Variants in MAP4K4 observed in about 807,000 individuals in gnomAD.
MAP4K4 encodes the protein HPK/GCK-like kinase HGK.
Under a neutral mutation model 189.6 loss-of-function variants are expected in MAP4K4, and 38 were observed. The ratio of observed to expected loss-of-function variants is 0.20; its 90% CI spans 0.15 to 0.26. MAP4K4 has a LOEUF of 0.26. Among genes scored for constraint, MAP4K4 ranks in the 10% least tolerant of loss-of-function variants. The pLI is 1.00. For missense variants in MAP4K4, 1,054 were observed against 1,726.9 expected, an observed-to-expected ratio of 0.61 and a Z score of 6.91; for synonymous variants, 610 against 624.3, an observed-to-expected ratio of 0.98 and a Z score of 0.34.
chr2:101,855,709 G>A (rs190279053), intron 12 of MAP4K4, among the ~76,000 whole-genome samples: 1 of 152,270 alleles, frequency 6.6e-6, no homozygotes, highest in Admixed American at 6.5e-5. Flanking sequence ...AATTGCTGTG[G>A]TGCAGTGAGC....
chr2:101,855,164 G>T (rs984701015), intron 12 of MAP4K4, among the ~76,000 whole-genome samples: 1 of 152,172 alleles, frequency 6.6e-6, no homozygotes, highest in African/African-American at 2.4e-5. Context: ...ATTTAGAAAG[G>T]CTGAGTGAGT....
At position 101,698,520 on chromosome 2, in the gene MAP4K4, C is replaced by T. The variant is rs756578949; in HGVS notation, c.105C>T (p.Thr35=). ...TGGTGGAAGTGGTTGGAAATGGCAC[C>T]TATGGACAAGTCTATAAGGTCGGTG... The change falls in exon 2 of 33, where the codon ACC becomes ACT. Residue 35 remains threonine, a synonymous_variant. Coordinates refer to ENST00000324219, the Ensembl canonical transcript of MAP4K4. 1.9e-6 allele frequency: 3 copies of T among 1,613,816 alleles called. No individual in the cohort carries two copies. The East Asian group carries it at 6.7e-5, about 36-fold the overall frequency.
intron 32 of MAP4K4, among the ~76,000 whole-genome samples, chr2:101,890,465 G>T (rs556953232): frequency 6.6e-6 from 1 of 152,234 alleles, no homozygotes; most frequent in African/African-American, 2.4e-5. Flanking sequence ...TTGTTTGTTT[G>T]TTTGTTTTGG....
chr2:101,816,714 T>G (rs973975906), intron 3 of MAP4K4, among the ~76,000 whole-genome samples: 3 of 152,150 alleles, frequency 2.0e-5, no homozygotes, highest in Non-Finnish European at 4.4e-5. Flanking sequence ...GATTGGTACA[T>G]CATAGTAAAC....
chr2:101,718,628 G>T (rs572403257), intron 2 of MAP4K4, among the ~76,000 whole-genome samples: 210 of 144,972 alleles, frequency 1.4e-3, no homozygotes, highest in Admixed American at 2.1e-3. Flanking sequence ...TGGTGGGGTG[G>T]ATGGGTTAAG....
At chr2:101,864,869 G>T in intron 17 of MAP4K4, 61 bp from the exon 18 acceptor site, 1 of 1,054,762 alleles carries the variant, frequency 9.5e-7, no homozygotes, top group Non-Finnish European at 1.4e-6. Flanking sequence ...TTTTGGTAGG[G>T]AAGTATTTTT....
chr2:101,887,712 G>T (rs1296368047), intron 30 of MAP4K4, 66 bp from the exon 31 acceptor site: 12 of 1,293,846 alleles, frequency 9.3e-6, no homozygotes, highest in Non-Finnish European at 1.2e-5. Context: ...GAGTCTTACT[G>T]AGCACTTGCA....
At chr2:101,761,808 C>T (rs980956283) in intron 2 of MAP4K4, among the ~76,000 whole-genome samples, 2 of 152,104 alleles carry the variant, frequency 1.3e-5, no homozygotes, top group African/African-American at 2.4e-5. Flanking sequence ...CCACCTGCCT[C>T]GGTCTCCCAA....
intron 3 of MAP4K4, among the ~76,000 whole-genome samples, chr2:101,818,517 T>C (rs1240454965): frequency 6.6e-6 from 1 of 151,986 alleles, no homozygotes; most frequent in African/African-American, 2.4e-5. Context: ...TCTGCCCATC[T>C]CTCCTCACCA....
intron 7 of MAP4K4, among the ~76,000 whole-genome samples, chr2:101,834,203 T>TCCCTCCCC (rs2096673097): frequency 1.3e-5 from 1 of 77,804 alleles, no homozygotes; most frequent in Non-Finnish European, 2.4e-5. Flanking sequence ...CCTCCCTCCA[T>TCCCTCCCC]CCCTCCATCC....
At chr2:101,714,746 G>C (rs1042248151) in intron 2 of MAP4K4, among the ~76,000 whole-genome samples, 1 of 152,144 alleles carries the variant, frequency 6.6e-6, no homozygotes, top group Non-Finnish European at 1.5e-5. Flanking sequence ...CTAGGAGGAG[G>C]CTTGAAGATT....
intron 2 of MAP4K4, among the ~76,000 whole-genome samples, chr2:101,761,321 AT>A (rs1208166386): frequency 3.3e-5 from 5 of 151,616 alleles, no homozygotes; most frequent in South Asian, 2.1e-4. Flanking sequence ...TCTTAAAAAA[AT>A]TTTTTTTTAT....
chr2:101,871,885 C>G (rs1030903023), intron 24 of MAP4K4, among the ~76,000 whole-genome samples, 200 bp downstream of exon 24: 1 of 152,196 alleles, frequency 6.6e-6, no homozygotes, highest in South Asian at 2.1e-4. Flanking sequence ...TCAGCTCCCC[C>G]AAACTTGCCA....
At chr2:101,698,085 C>T in exon 1 of MAP4K4, 3 of 1,325,930 alleles carry the variant, frequency 2.3e-6, no homozygotes, top group Admixed American at 2.2e-5. Flanking sequence ...GGGAAAATGG[C>T]GAACGACTCC....
intron 2 of MAP4K4, among the ~76,000 whole-genome samples, chr2:101,725,461 T>A (rs944753541): frequency 3.9e-5 from 6 of 152,156 alleles, no homozygotes; most frequent in Non-Finnish European, 5.9e-5. Context: ...TCATTTACTC[T>A]TGTCTGTTTT....
At chr2:101,754,143 CTTATA>C (rs1000504263) in intron 2 of MAP4K4, among the ~76,000 whole-genome samples, 21 of 152,074 alleles carry the variant, frequency 1.4e-4, no homozygotes, top group African/African-American at 3.1e-4. Context: ...CTGTCTGCAT[CTTATA>C]TTATATGTGA....
chr2:101,835,956 C>G, exon 9 of MAP4K4: 1 of 1,613,540 alleles, frequency 6.2e-7, no homozygotes, highest in Non-Finnish European at 8.5e-7. Flanking sequence ...AAACCCTCCT[C>G]CCCGGCTGAA....
intron 16 of MAP4K4, 100 bp downstream of exon 16, chr2:101,861,086 G>GA: frequency 9.2e-7 from 1 of 1,092,306 alleles, no homozygotes; most frequent in Non-Finnish European, 1.3e-6. Flanking sequence ...TCACCACACT[G>GA]AAAAAGAGGA....
chr2:101,741,164 ATTTTTTTTT>A (rs11341237), intron 2 of MAP4K4, among the ~76,000 whole-genome samples: 6 of 111,398 alleles, frequency 5.4e-5, no homozygotes, highest in Non-Finnish European at 3.6e-5. Context: ...GGTAGTAGGT[ATTTTTTTTT>A]TTTTTTTTTT....
Sources: gnomAD v4.1 joint callset for allele counts (sites outside exome capture counted in the v4.1 genomes callset) on GRCh38, gnomAD v4.1.1 for gene constraint, MANE v1.5 for transcripts, NCBI Gene and HGNC (gene_info 2026-07-23, HGNC 2026-07-21) for gene names.